The following EVPL variants were observed in gnomAD, a reference collection of about 807,000 sequenced individuals.
EVPL encodes the protein 210 kDa cornified envelope precursor protein.
In EVPL, 94 loss-of-function variants were observed where a neutral mutation model predicts 129.7. That is an observed-to-expected ratio of 0.72 (90% confidence interval 0.61 to 0.86). The LOEUF is 0.86. Among genes scored for constraint, EVPL ranks in the 40% least tolerant of loss-of-function variants. The pLI is 0.00. For missense variants in EVPL, 2,625 were observed against 2,721.1 expected (o/e 0.96, Z 0.79); for synonymous variants, 1,172 against 1,191.1 (o/e 0.98, Z 0.33).
Position 76,008,194 on chromosome 17 carries a change from GC to G in EVPL, c.5010del (p.Glu1670AspfsTer111), listed in dbSNP as rs747709121. 38 of 1,614,018 alleles carry G rather than the reference GC, an allele frequency of 2.4e-5. No homozygotes were observed. Among genetic ancestry groups the G allele is most frequent in the Non-Finnish European group, 3.1e-5 (37 of 1,180,036 alleles). ...TCTCGCGTCTGGGTCTCCTGGCTGA[GC>G]TCCTCCCGGCTCACCTTGGCGTGGA... ...RDLHAKVSREELSQETQTRET... is the reference protein window; with the variant it reads ...RDLHAKVSREXLSQETQTRET... On this transcript the variant is annotated frameshift_variant, in exon 22 of 22. Transcript: ENST00000301607. LOFTEE classifies it high-confidence loss of function. This position sits in a 1 kb window ranked among gnomAD's most constrained non-coding sequence, Gnocchi z 7.4.
intron 21 of EVPL, among the ~76,000 whole-genome samples, chr17:76,011,294 G>T (rs1464023964): frequency 6.6e-6 from 1 of 152,212 alleles, no homozygotes; most frequent in Non-Finnish European, 1.5e-5. Context: ...TGCTCTCTGG[G>T]GTTAGAGGTC....
At chr17:76,011,309 C>T (rs1055081039) in intron 21 of EVPL, among the ~76,000 whole-genome samples, 1 of 152,186 alleles carries the variant, frequency 6.6e-6, no homozygotes, top group African/African-American at 2.4e-5. Context: ...GAGGTCTTGT[C>T]CCATTGGAGG....
intron 9 of EVPL, among the ~76,000 whole-genome samples, chr17:76,021,222 AT>A (rs1158808357): frequency 1.3e-5 from 2 of 152,046 alleles, no homozygotes; most frequent in African/African-American, 4.8e-5. Flanking sequence ...CATCTGGCTA[AT>A]TTTGGTATTT....
intron 18 of EVPL, chr17:76,012,346 AC>A: frequency 4.9e-6 from 2 of 407,132 alleles, no homozygotes; most frequent in Non-Finnish European, 8.7e-6. Flanking sequence ...TCACTCTGTC[AC>A]CCAGGTTGGA....
Position 76,009,098 on chromosome 17 carries a change from C to A in EVPL, c.4107G>T (p.Lys1369Asn), listed in dbSNP as rs754961468. The stretch of plus-strand genomic sequence containing the variant: ...TGACCACCACCTCCTGCACCACCAC[C>A]TTCTCCTCGGGCTTCCTCCTCTCCA... ...LLLERRKPEE[K>N]VVVQEVVVTQ... Residue 1369 changes from lysine (K) to asparagine (N), a missense_variant, in exon 22 of 22, where the codon AAG (lysine) becomes AAT (asparagine). By Grantham distance (94) the Lys-to-Asn change is moderately conservative. Coordinates refer to ENST00000301607, the MANE Select transcript of EVPL (RefSeq NM_001988.4). This position sits in a 1 kb window ranked among gnomAD's most constrained non-coding sequence, Gnocchi z 5.9. 15 of 1,613,316 alleles carry A rather than the reference C, an allele frequency of 9.3e-6. No homozygotes were observed. The Admixed American group carries it at 1.3e-4, about 14-fold the overall frequency.
chr17:76,012,391 TTCAA>T (rs1250854746), intron 18 of EVPL: 1 of 288,186 alleles, frequency 3.5e-6, no homozygotes, highest in African/African-American at 2.2e-5. Flanking sequence ...GCCTCCTGGG[TTCAA>T]GCGATTTTCA....
chr17:76,009,168 G>A lies in EVPL; in HGVS notation c.4037C>T (p.Ala1346Val), dbSNP rs1202631646. 3.7e-6 allele frequency: 6 copies of A among 1,607,160 alleles called. No homozygotes were observed. The highest frequency in any genetic ancestry group is 3.3e-5 in the Admixed American group (2 of 59,996). ...EVREAAQKRR[A>V]AEDAVYELQS... ...CAGCTCGTACACCGCGTCCTCCGCG[G>A]CCCGCCTCTTCTGGGCCGCCTCCCG... Residue 1346 changes from alanine (A) to valine (V), a missense_variant, in exon 22 of 22, where the codon GCC becomes GTC. By Grantham distance (64) the Ala-to-Val change is moderately conservative. Transcript: ENST00000301607. The surrounding 1 kb of genome is among the most constrained non-coding windows in gnomAD (Gnocchi z 5.9).
At position 76,007,192 on chromosome 17, in the gene EVPL, G is replaced by A. The variant is rs569430517; in HGVS notation, c.6013C>T (p.Leu2005=). The part of the protein sequence containing the change: ...EAMGRCRKDP[L]SGLLLLPAAL... The stretch of plus-strand genomic sequence containing the variant: ...GCTGGCAGGAGCAGCAGGCCGCTCA[G>A]GGGGTCTTTGCGGCAGCGGCCCATG... Residue 2005 remains leucine (L), a synonymous_variant, in exon 22 of 22, where the codon CTG becomes TTG. Coordinates refer to ENST00000301607, the MANE Select transcript of EVPL (RefSeq NM_001988.4). The surrounding 1 kb of genome is among the most constrained non-coding windows in gnomAD (Gnocchi z 8.8). 94 of 1,536,408 alleles carry A rather than the reference G, an allele frequency of 6.1e-5. 1 individual carries two copies. The South Asian group carries it at 9.6e-4, about 16-fold the overall frequency.
In EVPL at chr17:76,010,119, T is replaced by C; in HGVS notation, c.3086A>G (p.Asp1029Gly). 1 of 1,614,084 alleles carries C rather than the reference T, an allele frequency of 6.2e-7. No homozygotes were observed. Residue 1029 changes from aspartate to glycine, a missense_variant, in exon 22 of 22, where the codon GAC (aspartate) becomes GGC (glycine). Around this residue, in one of 4 missense-constraint regions of EVPL, gnomAD observed 1,453 missense variants for 1,511.8 expected, o/e 0.96. Coordinates refer to ENST00000301607, the MANE Select transcript of EVPL (RefSeq NM_001988.4). ...GATCCTGAGCTGGGCCGCCTGGCTG[T>C]CCAGGCCGGGGTCCCTCTCCACCTG... ...VTQVERDPGL[D>G]SQAAQLRIQI...
rs201305140 is a variant in EVPL at position 76,013,061 on chromosome 17, G to C, written c.2374-972C>G. 3.3e-5 allele frequency among the ~76,000 whole-genome samples: 5 copies of C among 152,200 alleles called. No individual in the cohort carries two copies. In the East Asian group the frequency reaches 9.7e-4, roughly 29 times the overall value. On this transcript the variant is annotated intron_variant, in intron 18 of 21. Transcript: ENST00000301607. The surrounding 1 kb of genome is among the most constrained non-coding windows in gnomAD (Gnocchi z 4.3). ...GCCCGGCCTGAGAATTCATATTTCT[G>C]ATAAGTCCCCAGGTGATGCTGCTAC...
intron 1 of EVPL, among the ~76,000 whole-genome samples, chr17:76,026,596 G>A (rs1381281614): frequency 6.6e-6 from 1 of 152,164 alleles, no homozygotes; most frequent in Non-Finnish European, 1.5e-5. Flanking sequence ...AGGCAGCACA[G>A]CCCCTGCATC....
intron 11 of EVPL, 44 bp from the exon 12 acceptor site, chr17:76,018,644 G>A (rs751489893): frequency 6.4e-7 from 1 of 1,559,220 alleles, no homozygotes; most frequent in South Asian, 1.2e-5. Flanking sequence ...CTCAGGGGCA[G>A]GGGGCCAAGG....
intron 10 of EVPL, 74 bp downstream of exon 10, chr17:76,019,454 G>A: frequency 6.7e-7 from 1 of 1,485,262 alleles, no homozygotes; most frequent in Non-Finnish European, 8.9e-7. Flanking sequence ...AAGGCAGAAG[G>A]GGTGAGGCCC....
At chr17:76,018,850 CA>C (rs1431349161) in intron 11 of EVPL, 63 bp downstream of exon 11, 66 of 1,315,866 alleles carry the variant, frequency 5.0e-5, no homozygotes, top group Admixed American at 8.1e-5. Context: ...TGGGCTTGGG[CA>C]GGGGCAGGGG....
Position 76,022,224 on chromosome 17 carries a change from C to T in EVPL, c.610G>A (p.Ala204Thr), listed in dbSNP as rs1289162996. The change falls in exon 6 of 22, where the codon GCA becomes ACA. Residue 204 changes from alanine to threonine, a missense_variant. Ala to Thr is a moderately conservative substitution (Grantham distance 58). Transcript: ENST00000301607. This position sits in a 1 kb window ranked among gnomAD's most constrained non-coding sequence, Gnocchi z 5.6. The stretch of plus-strand genomic sequence containing the variant: ...CGGTATTGGCTCCGGATGGTGGCTG[C>T]ATCCTGCCTCGACCAAGGGGAGAAA... ...QQLRSLVGPDAATIRSQYRDL... is the reference protein window; with the variant it reads ...QQLRSLVGPDTATIRSQYRDL... 2 of 1,613,120 alleles carry T rather than the reference C, an allele frequency of 1.2e-6. No individual in the cohort carries two copies. Among genetic ancestry groups the T allele is most frequent in the East Asian group, 2.2e-5 (1 of 44,878 alleles).
Position 76,013,034 on chromosome 17 carries a change from G to T in EVPL, c.2374-945C>A, listed in dbSNP as rs112961560. 6.6e-6 allele frequency among the ~76,000 whole-genome samples: 1 copy of T among 152,266 alleles called. No individual in the cohort carries two copies. Among genetic ancestry groups the T allele is most frequent in the South Asian group, 2.1e-4 (1 of 4,824 alleles). ...GCTGGGATTACAGGCGTGAGCCACCGCGCCCGGCCTGAGAATTCATATTTC... is the reference window on the plus strand; with the variant it reads ...GCTGGGATTACAGGCGTGAGCCACCTCGCCCGGCCTGAGAATTCATATTTC... On this transcript the variant is annotated intron_variant, in intron 18 of 21. Transcript: ENST00000301607. This position sits in a 1 kb window ranked among gnomAD's most constrained non-coding sequence, Gnocchi z 4.3.
At chr17:76,015,180 G>C in intron 16 of EVPL, 47 bp downstream of exon 16, 2 of 1,560,790 alleles carry the variant, frequency 1.3e-6, no homozygotes, top group Non-Finnish European at 1.7e-6. Context: ...ACCCGCCCCT[G>C]AATGCTGGGT....
In EVPL at chr17:76,009,616, G is replaced by C. The variant is rs1350358794; in HGVS notation, c.3589C>G (p.His1197Asp). 1 of 1,613,954 alleles carries C rather than the reference G, an allele frequency of 6.2e-7. No homozygotes were observed. The highest frequency in any genetic ancestry group is 2.2e-5 in the East Asian group (1 of 44,872). The change falls in exon 22 of 22, where the codon CAC becomes GAC. Residue 1197 changes from histidine to aspartate, a missense_variant. Coordinates refer to ENST00000301607, the MANE Select transcript of EVPL (RefSeq NM_001988.4). The surrounding 1 kb of genome is among the most constrained non-coding windows in gnomAD (Gnocchi z 5.9). ...TCCGGATCCACCTGGAAGATCTCGTGGACGCGCTCCTGGAGCTGCACTTTG... is the reference window on the plus strand; with the variant it reads ...TCCGGATCCACCTGGAAGATCTCGTCGACGCGCTCCTGGAGCTGCACTTTG... Reference protein sequence around the residue: ...RPKVQLQERVHEIFQVDPETE... With the variant: ...RPKVQLQERVDEIFQVDPETE...
intron 1 of EVPL, among the ~76,000 whole-genome samples, chr17:76,025,355 G>C (rs12452136): frequency 6.6e-6 from 1 of 152,214 alleles, no homozygotes; most frequent in African/African-American, 2.4e-5. Context: ...CCAGTGCCTA[G>C]AACAGTCCTG....
Sources: allele counts gnomAD v4.1 joint callset (sites outside exome capture counted in the v4.1 genomes callset), GRCh38; gene constraint gnomAD v4.1.1; regional missense constraint gnomAD v4.1.1; non-coding constraint Gnocchi (gnomAD v3.1); transcripts MANE v1.5; gene names NCBI Gene and HGNC (gene_info 2026-07-23, HGNC 2026-07-21).